Variants in DSCAM observed in about 807,000 individuals in gnomAD.
DSCAM encodes cell adhesion molecule DSCAM.
Under a neutral mutation model 217.7 loss-of-function variants are expected in DSCAM, and 47 were observed. The observed-to-expected ratio is 0.22, with a 90% CI of 0.17 to 0.28. The LOEUF (loss-of-function observed/expected upper bound fraction) is 0.28, where lower values mean the gene tolerates loss of function less well. Among genes scored for constraint, DSCAM ranks in the 10% least tolerant of loss-of-function variants. The pLI, the probability that DSCAM is intolerant of heterozygous loss-of-function variation, is 1.00. For missense variants in DSCAM, 2,080 were observed against 2,618.3 expected (o/e 0.79, Z 4.49); for synonymous variants, 1,056 against 1,015.3 (o/e 1.04, Z -0.76).
Position 40,779,101 on chromosome 21 carries a change from A to C in DSCAM, c.43+67518T>G, listed in dbSNP as rs117453884. Among the ~76,000 whole-genome samples, 126 of 150,704 alleles carry C rather than the reference A, an allele frequency of 8.4e-4. 3 individuals carry two copies. The East Asian group carries it at 0.022, about 26-fold the overall frequency. ...AACTTGTGTTTGAATAATCCTGCCC[A>C]TGGAAGGGCTCAGAAAAGATGGAAT... On this transcript the variant is annotated intron_variant, in intron 1 of 32. Coordinates refer to ENST00000400454, the MANE Select transcript of DSCAM (RefSeq NM_001389.5).
At chr21:40,547,953 C>T (rs1027197687) in intron 3 of DSCAM, among the ~76,000 whole-genome samples, 1 of 152,286 alleles carries the variant, frequency 6.6e-6, no homozygotes, top group Middle Eastern at 3.4e-3. Flanking sequence ...AGGGATTCCT[C>T]GCGTGGCATC....
intron 11 of DSCAM, among the ~76,000 whole-genome samples, chr21:40,237,130 A>C (rs2146934843): frequency 6.6e-6 from 1 of 152,288 alleles, no homozygotes; most frequent in Non-Finnish European, 1.5e-5. Flanking sequence ...AATAATGCAC[A>C]TTTATTCTCT....
At chr21:40,346,183 C>A (rs1025179381) in intron 6 of DSCAM, among the ~76,000 whole-genome samples, 1 of 152,174 alleles carries the variant, frequency 6.6e-6, no homozygotes, top group African/African-American at 2.4e-5. Flanking sequence ...TCATCATTAG[C>A]AAACTGGTTC....
At chr21:40,188,253 T>A (rs1487339294) in intron 12 of DSCAM, among the ~76,000 whole-genome samples, 1 of 152,234 alleles carries the variant, frequency 6.6e-6, no homozygotes, top group African/African-American at 2.4e-5. Flanking sequence ...ACATTATCCA[T>A]GTCAGGTGTA....
At chr21:40,551,196 T>C (rs879620137) in intron 3 of DSCAM, among the ~76,000 whole-genome samples, 23 of 152,198 alleles carry the variant, frequency 1.5e-4, no homozygotes, top group Non-Finnish European at 2.4e-4. Flanking sequence ...TTTACACGTC[T>C]TAGGGAAACA....
intron 3 of DSCAM, among the ~76,000 whole-genome samples, chr21:40,576,181 T>A (rs1410909221): frequency 6.6e-6 from 1 of 152,054 alleles, no homozygotes; most frequent in Non-Finnish European, 1.5e-5. Context: ...TATTAGTCAA[T>A]CCCTGGAAAC....
intron 3 of DSCAM, among the ~76,000 whole-genome samples, chr21:40,625,784 T>C (rs2089593047): frequency 6.6e-6 from 1 of 152,006 alleles, no homozygotes; most frequent in African/African-American, 2.4e-5. Flanking sequence ...CATAAACAAA[T>C]AACAACAACA....
intron 3 of DSCAM, among the ~76,000 whole-genome samples, chr21:40,419,548 T>C (rs2123815060): frequency 6.6e-6 from 1 of 152,270 alleles, no homozygotes; most frequent in South Asian, 2.1e-4. Flanking sequence ...TACCCAGCCA[T>C]CTTATCTTTC....
chr21:40,620,362 A>T (rs2089490310), intron 3 of DSCAM, among the ~76,000 whole-genome samples: 1 of 126,656 alleles, frequency 7.9e-6, no homozygotes, highest in Admixed American at 7.5e-5. Context: ...AGAGAGAAAA[A>T]AGAAAAAGAA....
At chr21:40,745,952 T>C (rs2091169844) in intron 1 of DSCAM, among the ~76,000 whole-genome samples, 1 of 152,092 alleles carries the variant, frequency 6.6e-6, no homozygotes, top group Admixed American at 6.5e-5. Context: ...TTGCTTTAAT[T>C]TGCAGTCAAA....
intron 20 of DSCAM, among the ~76,000 whole-genome samples, chr21:40,101,912 T>C (rs2089757106): frequency 1.3e-5 from 2 of 152,110 alleles, no homozygotes. Context: ...GTTCTCTCCT[T>C]TGGGCTGTGG....
chr21:40,679,377 T>C (rs1031494913), intron 3 of DSCAM, among the ~76,000 whole-genome samples: 6 of 152,168 alleles, frequency 3.9e-5, no homozygotes, highest in Non-Finnish European at 7.3e-5. Context: ...TGAAAGAAAG[T>C]TTAAGAAAAG....
chr21:40,764,738 G>T (rs931179026), intron 1 of DSCAM, among the ~76,000 whole-genome samples: 1 of 152,098 alleles, frequency 6.6e-6, no homozygotes, highest in African/African-American at 2.4e-5. Flanking sequence ...AAGAAAATAT[G>T]GCACATATAC....
intron 1 of DSCAM, among the ~76,000 whole-genome samples, chr21:40,786,246 CAAAG>C (rs1217417320): frequency 2.5e-5 from 2 of 79,596 alleles, no homozygotes; most frequent in Non-Finnish European, 5.6e-5. Flanking sequence ...CAAAACAAAA[CAAAG>C]AAAGAAGGAA....
chr21:40,633,602 C>T (rs1035945670), intron 3 of DSCAM, among the ~76,000 whole-genome samples: 2 of 152,204 alleles, frequency 1.3e-5, no homozygotes, highest in African/African-American at 4.8e-5. Flanking sequence ...CAGCCACGTA[C>T]AGTACGTGCA....
chr21:40,270,363 G>A (rs905555921), intron 11 of DSCAM, among the ~76,000 whole-genome samples: 3 of 152,214 alleles, frequency 2.0e-5, no homozygotes, highest in Admixed American at 1.3e-4. Flanking sequence ...AGTTGCAGAC[G>A]TATCTGGCAA....
intron 30 of DSCAM, among the ~76,000 whole-genome samples, chr21:40,045,496 TGGTGA>T (rs1370025379): frequency 1.3e-5 from 2 of 152,160 alleles, no homozygotes; most frequent in Non-Finnish European, 2.9e-5. Context: ...CTCAACCCTT[TGGTGA>T]GGTAAGAAGA....
intron 3 of DSCAM, among the ~76,000 whole-genome samples, chr21:40,630,997 G>T (rs2089684431): frequency 6.6e-6 from 1 of 152,162 alleles, no homozygotes; most frequent in Non-Finnish European, 1.5e-5. Flanking sequence ...GATAATAAAA[G>T]TATTATCATT....
chr21:40,207,584 A>G (rs922533073), intron 11 of DSCAM, among the ~76,000 whole-genome samples: 2 of 152,216 alleles, frequency 1.3e-5, no homozygotes, highest in Non-Finnish European at 2.9e-5. Context: ...TAGGCACAAC[A>G]TAAATGTTCA....
Sources: gnomAD v4.1 joint callset for allele counts (sites outside exome capture counted in the v4.1 genomes callset) on GRCh38, gnomAD v4.1.1 for gene constraint, MANE v1.5 for transcripts, NCBI Gene and HGNC (gene_info 2026-07-23, HGNC 2026-07-21) for gene names.